The following FBN1 variants were observed in gnomAD, a reference collection of about 807,000 sequenced individuals.
FBN1 encodes the protein fibrillin-1.
In FBN1, 29 loss-of-function variants were observed where a neutral mutation model predicts 365.1. That is an observed-to-expected ratio of 0.08 (90% CI 0.06 to 0.11). The LOEUF (loss-of-function observed/expected upper bound fraction) is 0.11. Ranked by LOEUF, FBN1 falls within the 10% of genes least tolerant of loss-of-function variation. FBN1 has a pLI of 1.00. For synonymous variants in FBN1, 1,210 were observed against 1,270.5 expected, an observed-to-expected ratio of 0.95 and a Z score of 1.01; for missense variants, 2,476 against 3,703.2, an observed-to-expected ratio of 0.67 and a Z score of 8.60.
chr15:48,560,298 G>A (rs1384630813), intron 6 of FBN1, among the ~76,000 whole-genome samples: 1 of 152,128 alleles, frequency 6.6e-6, no homozygotes, highest in African/African-American at 2.4e-5. Context: ...GTTGGTGATG[G>A]GCTTTACCAC....
chr15:48,552,956 G>GT (rs1240764090), intron 6 of FBN1, among the ~76,000 whole-genome samples: 1 of 152,088 alleles, frequency 6.6e-6, no homozygotes, highest in Non-Finnish European at 1.5e-5. Flanking sequence ...TCGAAACCTA[G>GT]TAAGATATCT....
intron 17 of FBN1, among the ~76,000 whole-genome samples, chr15:48,501,331 C>T (rs2043655003): frequency 6.6e-6 from 1 of 152,130 alleles, no homozygotes; most frequent in African/African-American, 2.4e-5. Flanking sequence ...GTTATAAAAG[C>T]ACATTCAGTC....
intron 15 of FBN1, among the ~76,000 whole-genome samples, chr15:48,507,013 C>G (rs992977623): frequency 8.6e-5 from 13 of 151,962 alleles, no homozygotes; most frequent in African/African-American, 3.1e-4. Context: ...ATAGAACAAC[C>G]AATTTATTGA....
At chr15:48,576,412 G>C (rs1265236492) in intron 6 of FBN1, among the ~76,000 whole-genome samples, 1 of 151,828 alleles carries the variant, frequency 6.6e-6, no homozygotes, top group East Asian at 1.9e-4. Context: ...ATCTCCCTTT[G>C]TGCACATGTC....
chr15:48,494,850 C>T (rs2043591204), intron 22 of FBN1, among the ~76,000 whole-genome samples: 1 of 152,192 alleles, frequency 6.6e-6, no homozygotes, highest in East Asian at 1.9e-4. Context: ...GAACCCCTAA[C>T]CACAAGGTTC....
At chr15:48,617,328 C>T (rs1889677061) in intron 2 of FBN1, among the ~76,000 whole-genome samples, 1 of 152,068 alleles carries the variant, frequency 6.6e-6, no homozygotes, top group Non-Finnish European at 1.5e-5. Flanking sequence ...GCACACACCA[C>T]TACACCCAGC....
chr15:48,421,746 T>C (rs2042944082), intron 61 of FBN1, 60 bp from the exon 62 acceptor site: 1 of 1,583,040 alleles, frequency 6.3e-7, no homozygotes, highest in Non-Finnish European at 8.6e-7. Context: ...CTTTGTATCA[T>C]TTAAAAGAAA....
rs577064509 is a variant in FBN1, at chr15:48,573,970, C to T, written c.538+22313G>A. Among the ~76,000 whole-genome samples the T allele has an allele frequency of 6.6e-5, 10 of 152,366 alleles. No homozygotes were observed. The East Asian group carries it at 1.9e-3, about 29-fold the overall frequency. On this transcript the variant is annotated intron_variant, in intron 6 of 65. Transcript: ENST00000316623. Reference sequence around the variant, plus strand: ...TTGGTGCAGCCTTGCAGAGCCCTGGCTGAGGGTTAGGCCTCTTTAGCCTTG... The same window carrying T: ...TTGGTGCAGCCTTGCAGAGCCCTGGTTGAGGGTTAGGCCTCTTTAGCCTTG...
chr15:48,485,562 T>C, intron 29 of FBN1, 66 bp from the exon 30 acceptor site: 3 of 1,575,690 alleles, frequency 1.9e-6, no homozygotes, highest in Non-Finnish European at 2.6e-6. Flanking sequence ...CCAATACTCG[T>C]GTTGAAATTT....
At chr15:48,440,818 C>A (rs1386406010) in intron 50 of FBN1, among the ~76,000 whole-genome samples, 1 of 151,440 alleles carries the variant, frequency 6.6e-6, no homozygotes, top group Non-Finnish European at 1.5e-5. Context: ...GGCTGGGACC[C>A]CAAACTCAAT....
intron 56 of FBN1, among the ~76,000 whole-genome samples, chr15:48,430,020 T>C (rs190810302): frequency 3.1e-4 from 47 of 152,352 alleles, no homozygotes; most frequent in Admixed American, 2.8e-3. Flanking sequence ...AGCTCTGCCA[T>C]TGTGGCATGA....
intron 6 of FBN1, among the ~76,000 whole-genome samples, chr15:48,556,784 G>A (rs1487014827): frequency 5.9e-5 from 9 of 152,056 alleles, no homozygotes; most frequent in African/African-American, 4.8e-5. Flanking sequence ...CGTGTCAAGC[G>A]GAGAGAATTT....
chr15:48,410,260 C>A lies in FBN1; in HGVS notation c.*730G>T, dbSNP rs13598. On this transcript the variant is annotated 3_prime_UTR_variant, in exon 66 of 66. Transcript: ENST00000316623. ...CTCTATGCACGTGTGGGCCAGTCAC[C>A]GAAATTTCATTACCACTTGGTGTAT... The A allele has an allele frequency of 0.9, 136,912 of 152,624 alleles. 61,504 individuals carry two copies. Among genetic ancestry groups the A allele is most frequent in the African/African-American group, 0.94 (39,022 of 41,526 alleles). 9.5% of individuals were successfully genotyped at this position (152,624 alleles called of 1,614,324 possible).
intron 10 of FBN1, among the ~76,000 whole-genome samples, 185 bp downstream of exon 10, chr15:48,520,474 C>G (rs752108307): frequency 9.9e-5 from 15 of 152,026 alleles, no homozygotes; most frequent in Non-Finnish European, 2.2e-4. Flanking sequence ...AAACAGTACT[C>G]TTTGTACAGA....
chr15:48,583,128 C>T (rs889543668), intron 6 of FBN1, among the ~76,000 whole-genome samples: 4 of 152,204 alleles, frequency 2.6e-5, no homozygotes, highest in South Asian at 2.1e-4. Flanking sequence ...CTCCAGAAGG[C>T]GGGATGCGTG....
chr15:48,537,901 A>G (rs1207567416), intron 6 of FBN1, 93 bp from the exon 7 acceptor site: 1 of 1,270,292 alleles, frequency 7.9e-7, no homozygotes, highest in Non-Finnish European at 1.1e-6. Flanking sequence ...TTGACTCCAA[A>G]TTGAGAAATG....
chr15:48,636,433 T>C (rs1304328478), intron 2 of FBN1, among the ~76,000 whole-genome samples: 1 of 152,098 alleles, frequency 6.6e-6, no homozygotes, highest in Admixed American at 6.6e-5. Flanking sequence ...GATTAACACA[T>C]GTGACCAGGG....
intron 6 of FBN1, among the ~76,000 whole-genome samples, chr15:48,539,104 C>T (rs1199123872): frequency 6.6e-6 from 1 of 152,194 alleles, no homozygotes; most frequent in African/African-American, 2.4e-5. Context: ...TGGCATCCCT[C>T]TATCCTGTGT....
intron 6 of FBN1, among the ~76,000 whole-genome samples, chr15:48,562,742 A>G (rs2044232446): frequency 6.6e-6 from 1 of 152,174 alleles, no homozygotes; most frequent in Admixed American, 6.5e-5. Context: ...TGAGGAAAGC[A>G]TCTTCCCTAC....
Sources: gnomAD v4.1 joint callset for allele counts (sites outside exome capture counted in the v4.1 genomes callset) on GRCh38, gnomAD v4.1.1 for gene constraint, MANE v1.5 for transcripts, NCBI Gene and HGNC (gene_info 2026-07-23, HGNC 2026-07-21) for gene names.